The following SNTG1 variants were observed in gnomAD, a reference collection of about 807,000 sequenced individuals.
SNTG1 encodes syntrophin gamma 1.
A neutral mutation model predicts 74.7 loss-of-function variants in SNTG1; 39 were observed. That is an observed-to-expected ratio of 0.52 (90% confidence interval 0.40 to 0.68). The LOEUF is 0.68. SNTG1 is among the 30% of genes least tolerant of loss of function. The pLI, the probability that SNTG1 is intolerant of heterozygous loss-of-function variation, is 0.00. For missense variants in SNTG1, 685 were observed against 609.5 expected, an observed-to-expected ratio of 1.12 and a Z score of -1.30; for synonymous variants, 254 against 217.1, an observed-to-expected ratio of 1.17 and a Z score of -1.49.
At chr8:50,716,045 G>A (rs935197255) in intron 17 of SNTG1, among the ~76,000 whole-genome samples, 2 of 151,944 alleles carry the variant, frequency 1.3e-5, no homozygotes, top group Non-Finnish European at 2.9e-5. Flanking sequence ...AAGGAGCTCT[G>A]AGCTACTGTT....
chr8:50,172,786 AAAC>A (rs200004451), intron 2 of SNTG1, among the ~76,000 whole-genome samples, 151 bp downstream of exon 2: 2,371 of 141,896 alleles, frequency 0.017, 23 homozygotes, highest in South Asian at 0.026. Context: ...CAAAAAAAAA[AAAC>A]AAAACCTCTT....
intron 12 of SNTG1, 105 bp from the exon 13 acceptor site, chr8:50,590,774 T>C (rs1225577105): frequency 3.2e-6 from 2 of 618,384 alleles, no homozygotes; most frequent in Non-Finnish European, 2.8e-6. Context: ...CAAAATAGGA[T>C]ATTAGTATAT....
intron 2 of SNTG1, among the ~76,000 whole-genome samples, chr8:50,325,191 A>G (rs2090696267): frequency 6.6e-6 from 1 of 151,500 alleles, no homozygotes; most frequent in Non-Finnish European, 1.5e-5. Flanking sequence ...ACAATATTGT[A>G]TTGCCCATTG....
intron 1 of SNTG1, among the ~76,000 whole-genome samples, chr8:50,067,987 AG>A (rs1226852430): frequency 6.6e-6 from 1 of 152,158 alleles, no homozygotes; most frequent in Non-Finnish European, 1.5e-5. Context: ...TTTCACGTCC[AG>A]GCACACCCAA....
At chr8:50,659,928 C>T (rs571784461) in intron 15 of SNTG1, among the ~76,000 whole-genome samples, 1 of 151,370 alleles carries the variant, frequency 6.6e-6, no homozygotes, top group African/African-American at 2.4e-5. Flanking sequence ...CAACCTCCAC[C>T]TCCCAGGTTC....
chr8:50,650,901 A>T (rs1243846653), intron 13 of SNTG1, among the ~76,000 whole-genome samples: 1 of 152,092 alleles, frequency 6.6e-6, no homozygotes, highest in East Asian at 1.9e-4. Context: ...GGGTTTCACC[A>T]TGTGGGCCAG....
chr8:50,386,837 C>T (rs922704817), intron 2 of SNTG1, among the ~76,000 whole-genome samples: 4 of 152,100 alleles, frequency 2.6e-5, no homozygotes, highest in African/African-American at 7.2e-5. Context: ...CACTCTCCAC[C>T]GGGCCCACCT....
chr8:50,501,503 T>A (rs938579411), intron 8 of SNTG1, among the ~76,000 whole-genome samples: 4 of 140,096 alleles, frequency 2.9e-5, no homozygotes, highest in African/African-American at 1.1e-4. Context: ...AGGTGCGGTC[T>A]CAGCTCGCTG....
At chr8:50,275,678 C>G (rs1337474873) in intron 2 of SNTG1, among the ~76,000 whole-genome samples, 1 of 152,116 alleles carries the variant, frequency 6.6e-6, no homozygotes, top group East Asian at 1.9e-4. Context: ...AGTCCGGGCC[C>G]CCAGGCACCT....
At chr8:50,354,807 A>C (rs1648541010) in intron 2 of SNTG1, among the ~76,000 whole-genome samples, 1 of 152,204 alleles carries the variant, frequency 6.6e-6, no homozygotes, top group African/African-American at 2.4e-5. Context: ...CTAAGGCAGA[A>C]CTCAGCTGCT....
Position 50,402,270 on chromosome 8 carries a change from C to A in SNTG1, c.88C>A (p.His30Asn), listed in dbSNP as rs1337121610. The A allele has an allele frequency of 6.2e-7, 1 of 1,613,724 alleles. No individual in the cohort carries two copies. Among genetic ancestry groups the A allele is most frequent in the Non-Finnish European group, 8.5e-7 (1 of 1,179,900 alleles). The change falls in exon 4 of 19, where the codon CAC (histidine) becomes AAC (asparagine). Residue 30 changes from histidine (H) to asparagine (N), a missense_variant. By Grantham distance (68) the His-to-Asn change is moderately conservative. Transcript: ENST00000642720. ...CCAGGAGCCTTTCAAAGTGCGGCTG[C>A]ACCTAGCCAAAGACATTTTGATGAT... ...GNQEPFKVRL[H>N]LAKDILMIQE...
chr8:50,501,685 A>C (rs1051364854), intron 8 of SNTG1, among the ~76,000 whole-genome samples: 1 of 150,146 alleles, frequency 6.7e-6, no homozygotes, highest in South Asian at 2.1e-4. Context: ...CTCGAACTCC[A>C]GACCTCAGAT....
At chr8:49,927,294 G>A (rs900250480) in intron 1 of SNTG1, among the ~76,000 whole-genome samples, 12 of 152,078 alleles carry the variant, frequency 7.9e-5, no homozygotes, top group African/African-American at 2.9e-4. Context: ...AGCAAAACTG[G>A]CTCAGGAATA....
At chr8:50,699,638 C>A (rs138426344) in intron 15 of SNTG1, among the ~76,000 whole-genome samples, 1 of 152,032 alleles carries the variant, frequency 6.6e-6, no homozygotes, top group Non-Finnish European at 1.5e-5. Flanking sequence ...CTGATGAGTT[C>A]TTGATATGTT....
At chr8:50,195,676 A>G (rs2083740470) in intron 2 of SNTG1, among the ~76,000 whole-genome samples, 2 of 152,160 alleles carry the variant, frequency 1.3e-5, no homozygotes, top group African/African-American at 2.4e-5. Context: ...AGCTCCAGGT[A>G]AAGTCAGAAA....
At chr8:50,528,501 A>T (rs2094240072) in intron 9 of SNTG1, among the ~76,000 whole-genome samples, 1 of 151,970 alleles carries the variant, frequency 6.6e-6, no homozygotes. Flanking sequence ...TAGAATAAAT[A>T]CCACTTACTT....
At chr8:50,464,412 A>G (rs1201260386) in intron 8 of SNTG1, among the ~76,000 whole-genome samples, 1 of 152,130 alleles carries the variant, frequency 6.6e-6, no homozygotes, top group African/African-American at 2.4e-5. Context: ...TCACTTGAAC[A>G]CTTACAGGCC....
At chr8:50,716,406 TA>T (rs763121428) in intron 17 of SNTG1, among the ~76,000 whole-genome samples, 298 of 152,156 alleles carry the variant, frequency 2.0e-3, no homozygotes, top group Non-Finnish European at 3.1e-3. Context: ...AAATTATATA[TA>T]TATTTTTTCT....
At chr8:50,585,912 G>A (rs34448362) in intron 12 of SNTG1, among the ~76,000 whole-genome samples, 1 of 152,066 alleles carries the variant, frequency 6.6e-6, no homozygotes, top group East Asian at 1.9e-4. Flanking sequence ...TTATAATTTA[G>A]GTTTCCTAGA....
Sources: gnomAD v4.1 joint callset for allele counts (sites outside exome capture counted in the v4.1 genomes callset) on GRCh38, gnomAD v4.1.1 for gene constraint, MANE v1.5 for transcripts, NCBI Gene and HGNC (gene_info 2026-07-23, HGNC 2026-07-21) for gene names.